COLEC12: variants seen among roughly 807,000 people sequenced by gnomAD.
The protein encoded by COLEC12 is collectin subfamily member 12.
Under a neutral mutation model 71.1 loss-of-function variants are expected in COLEC12, and 33 were observed. The ratio of observed to expected loss-of-function variants is 0.46; its 90% CI spans 0.35 to 0.62. The LOEUF (loss-of-function observed/expected upper bound fraction) is 0.62. Among genes scored for constraint, COLEC12 ranks in the 20% least tolerant of loss-of-function variants. COLEC12 has a pLI of 0.00. For synonymous variants in COLEC12, 350 were observed against 353.0 expected (o/e 0.99, Z 0.10); for missense variants, 765 against 916.1 (o/e 0.84, Z 2.13).
chr18:451,344 C>T (rs1322972317), intron 2 of COLEC12, among the ~76,000 whole-genome samples: 1 of 151,412 alleles, frequency 6.6e-6, no homozygotes, highest in African/African-American at 2.4e-5. Flanking sequence ...AAGCGGAGCC[C>T]AAAAGTTTGG....
At chr18:345,913 T>C (rs1203207199) in intron 5 of COLEC12, among the ~76,000 whole-genome samples, 1 of 152,228 alleles carries the variant, frequency 6.6e-6, no homozygotes, top group African/African-American at 2.4e-5. Context: ...GGCTAGTATG[T>C]CATGGTATCT....
rs117872517 is a variant in COLEC12, at chr18:440,024, C to A, written c.58+40683G>T. ...ACACACACACTGGAATATTATTCAG[C>A]CATAAGAAAGAAGGAAATTCTGCTA... On this transcript the variant is annotated intron_variant, in intron 2 of 9. Transcript: ENST00000400256. 3.9e-4 allele frequency among the ~76,000 whole-genome samples: 59 copies of A among 149,848 alleles called. No individual in the cohort carries two copies. The East Asian group carries it at 0.012, about 30-fold the overall frequency.
chr18:482,677 T>C (rs1321095224), intron 1 of COLEC12, among the ~76,000 whole-genome samples: 4 of 151,948 alleles, frequency 2.6e-5, no homozygotes, highest in Non-Finnish European at 5.9e-5. Flanking sequence ...AGTGGTGTGA[T>C]CTTGGCTCAC....
At chr18:401,435 G>A (rs1320291776) in intron 2 of COLEC12, among the ~76,000 whole-genome samples, 1 of 152,166 alleles carries the variant, frequency 6.6e-6, no homozygotes, top group Admixed American at 6.5e-5. Flanking sequence ...GTATTCCAAG[G>A]GAAACAGACC....
intron 2 of COLEC12, among the ~76,000 whole-genome samples, chr18:452,072 T>C (rs772731287): frequency 1.3e-5 from 2 of 152,240 alleles, no homozygotes; most frequent in African/African-American, 2.4e-5. Flanking sequence ...AGAAAAAGAA[T>C]AGCGTCACAT....
Position 316,793 on chromosome 18 carries a change from C to G in COLEC12, c.*3252G>C, listed in dbSNP as rs1598321900. 6.6e-6 allele frequency: 1 copy of G among 152,176 alleles called. No individual in the cohort carries two copies. The highest frequency in any genetic ancestry group is 1.9e-4 in the East Asian group (1 of 5,170). The allele number at this position is 152,176 out of a possible 1,614,324, so 9.4% of individuals were successfully genotyped here. On this transcript the variant is annotated 3_prime_UTR_variant, in exon 10 of 10. Transcript: ENST00000400256. ...TTGCCTTGTTGTGCATTCATTCTTTCAAAAGCTGTTTAGAGGAAAAAACAT... is the reference window on the plus strand; with the variant it reads ...TTGCCTTGTTGTGCATTCATTCTTTGAAAAGCTGTTTAGAGGAAAAAACAT...
intron 2 of COLEC12, among the ~76,000 whole-genome samples, chr18:473,808 A>C (rs1307147507): frequency 3.3e-5 from 5 of 152,242 alleles, no homozygotes; most frequent in Non-Finnish European, 7.3e-5. Context: ...GTCTTAACCA[A>C]AACAGAGCTG....
intron 2 of COLEC12, among the ~76,000 whole-genome samples, chr18:410,914 C>A (rs1915881144): frequency 6.6e-6 from 1 of 152,186 alleles, no homozygotes; most frequent in South Asian, 2.1e-4. Context: ...TCCACCCATG[C>A]CAGCAAAGCC....
intron 2 of COLEC12, among the ~76,000 whole-genome samples, chr18:397,318 C>A (rs1915592335): frequency 1.3e-5 from 2 of 152,282 alleles, no homozygotes; most frequent in East Asian, 3.9e-4. Flanking sequence ...ACACCCCCAC[C>A]CCATGCTCTA....
intron 2 of COLEC12, among the ~76,000 whole-genome samples, chr18:454,909 A>G (rs1916835407): frequency 1.3e-5 from 2 of 152,236 alleles, no homozygotes. Context: ...GAACAAATAA[A>G]TGTTGAGCCA....
chr18:466,007 G>A (rs1204204634), intron 2 of COLEC12, among the ~76,000 whole-genome samples: 1 of 152,184 alleles, frequency 6.6e-6, no homozygotes, highest in African/African-American at 2.4e-5. Flanking sequence ...GGTGGAGGTT[G>A]CAGCAAGCAC....
intron 2 of COLEC12, among the ~76,000 whole-genome samples, chr18:470,378 C>T (rs1030783197): frequency 6.6e-6 from 1 of 151,654 alleles, no homozygotes; most frequent in South Asian, 2.1e-4. Context: ...ATGACAGGGG[C>T]CCACCACCAT....
chr18:397,662 T>C (rs945452027), intron 2 of COLEC12, among the ~76,000 whole-genome samples: 2 of 152,186 alleles, frequency 1.3e-5, no homozygotes, highest in African/African-American at 4.8e-5. Flanking sequence ...TAGTCTATCT[T>C]TAACCCATGG....
At position 346,177 on chromosome 18, in the gene COLEC12, G is replaced by C. The variant is rs1003930675; in HGVS notation, c.1327+118C>G. ...CTAGCTAAGCTGCTCTTGAATTCCT[G>C]GTCCACAAAAACTATGAGATGATGA... On this transcript the variant is annotated intron_variant, in intron 5 of 9. Coordinates refer to ENST00000400256, the MANE Select transcript of COLEC12 (RefSeq NM_130386.3). The surrounding 1 kb of genome is among the most constrained non-coding windows in gnomAD (Gnocchi z 4.0). 13 of 748,012 alleles carry C rather than the reference G, an allele frequency of 1.7e-5. No homozygotes were observed. Among genetic ancestry groups the C allele is most frequent in the Non-Finnish European group, 2.8e-5 (13 of 466,776 alleles). 46.3% of individuals were successfully genotyped at this position (748,012 alleles called of 1,614,324 possible).
intron 1 of COLEC12, among the ~76,000 whole-genome samples, chr18:488,551 G>A (rs776503153): frequency 3.9e-5 from 6 of 151,988 alleles, no homozygotes; most frequent in Admixed American, 1.3e-4. Context: ...GTAAAAATAA[G>A]GAAAAATTAG....
intron 2 of COLEC12, among the ~76,000 whole-genome samples, chr18:383,376 AGGAG>A (rs2143567706): frequency 6.6e-6 from 1 of 152,222 alleles, no homozygotes; most frequent in East Asian, 1.9e-4. Flanking sequence ...GATGGAGGTG[AGGAG>A]GGAGTGAGGT....
rs765312214 is a variant in COLEC12 at position 335,018 on chromosome 18, G to A, written c.1540C>T (p.Pro514Ser). 6.3e-7 allele frequency: 1 copy of A among 1,587,086 alleles called. No individual in the cohort carries two copies. The highest frequency in any genetic ancestry group is 1.4e-5 in the African/African-American group (1 of 72,838). ...SQGPKGSRGS[P>S]GKPGPQGSSG... ...GAGCCCTGAGGGCCGGGCTTCCCAG[G>A]GGAACCACGGGAGCCTTTGGGGCCC... Residue 514 changes from proline (P) to serine (S), a missense_variant, in exon 6 of 10, where the codon CCT becomes TCT. Transcript: ENST00000400256.
chr18:357,212 T>C (rs893532762), intron 3 of COLEC12, among the ~76,000 whole-genome samples, 188 bp downstream of exon 3: 2 of 152,200 alleles, frequency 1.3e-5, no homozygotes, highest in African/African-American at 4.8e-5. Context: ...CAAAAGGAAT[T>C]ACTATGTCCC....
intron 7 of COLEC12, 151 bp from the exon 8 acceptor site, chr18:331,928 G>A: frequency 3.3e-6 from 2 of 612,652 alleles, no homozygotes; most frequent in Non-Finnish European, 5.7e-6. Context: ...CTTTTTTCTT[G>A]CTACTTGCTT....
Sources: gnomAD v4.1 joint callset for allele counts (sites outside exome capture counted in the v4.1 genomes callset) on GRCh38, gnomAD v4.1.1 for gene constraint, Gnocchi (gnomAD v3.1) non-coding constraint, MANE v1.5 for transcripts, NCBI Gene and HGNC (gene_info 2026-07-23, HGNC 2026-07-21) for gene names.